The following NKAIN2 variants were observed in gnomAD, a reference collection of about 807,000 sequenced individuals.
NKAIN2 encodes sodium/potassium transporting ATPase interacting 2.
In NKAIN2, 14 loss-of-function variants were observed where a neutral mutation model predicts 32.6. That is an observed-to-expected ratio of 0.43 (90% CI 0.28 to 0.67). The LOEUF is 0.67. Ranked by LOEUF, NKAIN2 falls within the 30% of genes least tolerant of loss-of-function variation. The pLI is 0.17. For synonymous variants in NKAIN2, 80 were observed against 87.2 expected (o/e 0.92, Z 0.46); for missense variants, 198 against 258.3 (o/e 0.77, Z 1.60).
chr6:124,469,669 C>T (rs1776896290), intron 3 of NKAIN2, among the ~76,000 whole-genome samples: 2 of 152,164 alleles, frequency 1.3e-5, no homozygotes, highest in South Asian at 2.1e-4. Context: ...TCCATCTAAA[C>T]TCCCTATAGG....
intron 4 of NKAIN2, among the ~76,000 whole-genome samples, chr6:124,729,186 A>G (rs1776513180): frequency 1.3e-5 from 2 of 151,996 alleles, no homozygotes; most frequent in Non-Finnish European, 2.9e-5. Flanking sequence ...GAAAAAGAGG[A>G]AATCCTCCCT....
At chr6:123,911,573 T>A (rs1775178592) in intron 1 of NKAIN2, among the ~76,000 whole-genome samples, 1 of 151,800 alleles carries the variant, frequency 6.6e-6, no homozygotes. Flanking sequence ...GGGGATCAGA[T>A]TTCAAAAAGA....
At chr6:123,921,577 AG>A in intron 1 of NKAIN2, among the ~76,000 whole-genome samples, 1 of 152,300 alleles carries the variant, frequency 6.6e-6, no homozygotes, top group Non-Finnish European at 1.5e-5. Context: ...TTCATTACTC[AG>A]AGGGCGTAAT....
chr6:124,442,778 T>C (rs1583260512), intron 3 of NKAIN2, among the ~76,000 whole-genome samples: 1 of 152,106 alleles, frequency 6.6e-6, no homozygotes, highest in African/African-American at 2.4e-5. Flanking sequence ...GCAGATAGTA[T>C]GGTTTTGCTC....
At chr6:123,920,376 C>T (rs1775695789) in intron 1 of NKAIN2, among the ~76,000 whole-genome samples, 1 of 152,080 alleles carries the variant, frequency 6.6e-6, no homozygotes. Context: ...GGATTTTAAA[C>T]TCATACTTAG....
At chr6:124,130,503 T>A (rs1181924710) in intron 1 of NKAIN2, among the ~76,000 whole-genome samples, 1 of 152,210 alleles carries the variant, frequency 6.6e-6, no homozygotes, top group Non-Finnish European at 1.5e-5. Flanking sequence ...ATTGTAAATA[T>A]GTATATTTGC....
intron 1 of NKAIN2, among the ~76,000 whole-genome samples, chr6:124,281,173 G>A (rs1176291771): frequency 6.6e-6 from 1 of 152,090 alleles, no homozygotes; most frequent in Non-Finnish European, 1.5e-5. Context: ...CAGTTATGAT[G>A]CTCCAAATTT....
chr6:124,660,451 A>G (rs1211720772), intron 4 of NKAIN2, among the ~76,000 whole-genome samples: 1 of 152,232 alleles, frequency 6.6e-6, no homozygotes, highest in East Asian at 1.9e-4. Flanking sequence ...ATACCCAAAG[A>G]AAAGATAATT....
In NKAIN2 at chr6:124,508,124, G is replaced by A. The variant is rs560859138; in HGVS notation, c.274-150062G>A. The stretch of plus-strand genomic sequence containing the variant: ...AAAAAAAAAAAAGCTGGGCACGATG[G>A]CACACACCTGTAGTCCTAGCTACTA... On this transcript the variant is annotated intron_variant, in intron 3 of 6. Transcript: ENST00000368417. Among the ~76,000 whole-genome samples, 15 of 151,062 alleles carry A rather than the reference G, an allele frequency of 9.9e-5. No homozygotes were observed. The East Asian group carries it at 1.2e-3, about 12-fold the overall frequency.
chr6:124,400,086 G>A (rs1773561364), intron 3 of NKAIN2, among the ~76,000 whole-genome samples: 1 of 152,092 alleles, frequency 6.6e-6, no homozygotes, highest in South Asian at 2.1e-4. Flanking sequence ...GAGGCAAGCA[G>A]AACATTCGCG....
At chr6:124,755,566 T>G (rs1213096548) in intron 4 of NKAIN2, among the ~76,000 whole-genome samples, 1 of 152,180 alleles carries the variant, frequency 6.6e-6, no homozygotes, top group African/African-American at 2.4e-5. Flanking sequence ...TGCAGGGACA[T>G]GGATGGAGCT....
rs191625118 is a variant in NKAIN2 at position 124,625,867 on chromosome 6, T to G, written c.274-32319T>G. Among the ~76,000 whole-genome samples, 82 of 146,888 alleles carry G rather than the reference T, an allele frequency of 5.6e-4. 1 individual carries two copies. In the East Asian group the frequency reaches 0.013, roughly 23 times the overall value. On this transcript the variant is annotated intron_variant, in intron 3 of 6. Transcript: ENST00000368417. ...CAAACAGTGTGTTTCGTTCCAAAGC[T>G]TCTACTCTTTCTCCTCTAACAAACA...
At chr6:124,407,936 C>G (rs959474176) in intron 3 of NKAIN2, among the ~76,000 whole-genome samples, 2 of 151,222 alleles carry the variant, frequency 1.3e-5, no homozygotes, top group Admixed American at 1.3e-4. Flanking sequence ...TTGCATTTCT[C>G]TGATGGCCAG....
Position 124,476,097 on chromosome 6 carries a change from T to C in NKAIN2, c.273+120750T>C, listed in dbSNP as rs752486120. ...GTGTGTGTGTGTGTGTGTGTGTGTG[T>C]GCGTGCGCGCGCGCATGCATGTAAA... is the stretch of plus-strand genomic sequence containing the variant. On this transcript the variant is annotated intron_variant, in intron 3 of 6. Transcript: ENST00000368417. Among the ~76,000 whole-genome samples, 1,089 of 128,540 alleles carry C rather than the reference T, an allele frequency of 8.5e-3. 9 individuals carry two copies. Among genetic ancestry groups the C allele is most frequent in the African/African-American group, 0.023 (839 of 36,886 alleles). The allele number at this position is 128,540 out of a possible 152,430, so 84.3% of individuals were successfully genotyped here.
At chr6:124,044,342 A>G (rs1419005508) in intron 1 of NKAIN2, among the ~76,000 whole-genome samples, 7 of 151,986 alleles carry the variant, frequency 4.6e-5, no homozygotes, top group Non-Finnish European at 8.8e-5. Context: ...AAACTGTGGA[A>G]TGTTTTCCAC....
intron 1 of NKAIN2, among the ~76,000 whole-genome samples, chr6:123,968,872 G>A (rs1262028023): frequency 1.3e-5 from 2 of 152,108 alleles, no homozygotes; most frequent in Non-Finnish European, 2.9e-5. Context: ...AGAGTCACAG[G>A]ACCTTTCCCA....
chr6:124,093,191 A>G (rs1380714139), intron 1 of NKAIN2, among the ~76,000 whole-genome samples: 1 of 152,150 alleles, frequency 6.6e-6, no homozygotes, highest in Non-Finnish European at 1.5e-5. Context: ...TGGGGAAGAC[A>G]ACCATGGCTA....
chr6:123,886,909 G>C (rs191018837), intron 1 of NKAIN2, among the ~76,000 whole-genome samples: 1 of 152,048 alleles, frequency 6.6e-6, no homozygotes, highest in Middle Eastern at 3.2e-3. Context: ...GGCACAGTGG[G>C]AGATCATTAA....
chr6:123,850,371 TAC>T (rs35458452), intron 1 of NKAIN2, among the ~76,000 whole-genome samples: 22,758 of 139,534 alleles, frequency 0.16, 2,209 homozygotes, highest in East Asian at 0.33. Flanking sequence ...TATATATATA[TAC>T]ACACACACAC....
Sources: gnomAD v4.1 joint callset for allele counts (sites outside exome capture counted in the v4.1 genomes callset) on GRCh38, gnomAD v4.1.1 for gene constraint, MANE v1.5 for transcripts, NCBI Gene and HGNC (gene_info 2026-07-23, HGNC 2026-07-21) for gene names.